Variants in TRMT9B observed in about 807,000 individuals in gnomAD.
The protein encoded by TRMT9B is tRNA methyltransferase 9B (putative).
Under a neutral mutation model 11.5 loss-of-function variants are expected in TRMT9B, and 16 were observed. That is an observed-to-expected ratio of 1.39 (90% CI 0.94 to 2.11). The LOEUF is 2.11. Ranked by LOEUF, TRMT9B falls within the 30% of genes most tolerant of loss-of-function variation. The probability of loss-of-function intolerance (pLI) is 0.00; values close to 1 mark genes in which losing one functional copy is unlikely to be tolerated. For missense variants in TRMT9B, 941 were observed against 553.8 expected (o/e 1.70, Z -7.02); for synonymous variants, 274 against 192.4 (o/e 1.42, Z -3.51).
intron 1 of TRMT9B, among the ~76,000 whole-genome samples, chr8:12,954,996 G>T (rs1178649169): frequency 6.6e-6 from 1 of 152,194 alleles, no homozygotes; most frequent in Admixed American, 6.5e-5. Flanking sequence ...TGAGTACACA[G>T]TTGGCACATT....
intron 1 of TRMT9B, among the ~76,000 whole-genome samples, chr8:12,974,045 C>G (rs911635715): frequency 6.6e-6 from 1 of 152,050 alleles, no homozygotes; most frequent in Non-Finnish European, 1.5e-5. Flanking sequence ...GTGGCAAGCA[C>G]TTGTAGTCCC....
At chr8:12,996,883 G>C (rs569813968) in intron 2 of TRMT9B, among the ~76,000 whole-genome samples, 38 of 152,046 alleles carry the variant, frequency 2.5e-4, no homozygotes, top group African/African-American at 9.2e-4. Context: ...ACCCCAGGCA[G>C]CCTCTATCCC....
At chr8:13,012,546 G>A in intron 3 of TRMT9B, 138 bp from the exon 4 acceptor site, 3 of 1,162,334 alleles carry the variant, frequency 2.6e-6, no homozygotes, top group Non-Finnish European at 3.5e-6. Context: ...CTGCACTCCA[G>A]CCTGGGTGAC....
At chr8:13,016,218 T>G (rs2128897980) in intron 4 of TRMT9B, among the ~76,000 whole-genome samples, 1 of 124,060 alleles carries the variant, frequency 8.1e-6, no homozygotes, top group Non-Finnish European at 1.7e-5. Flanking sequence ...ATATAAAATA[T>G]AAATGTGAAA....
chr8:12,995,467 T>C lies in TRMT9B; in HGVS notation c.-2+4436T>C, dbSNP rs568224166. ...GCTCTTAGCTCTTTGTCTGCTTTCC[T>C]TATTCTCCATTTCTGGCTTTCTTTG... On this transcript the variant is annotated intron_variant, in intron 2 of 4. Coordinates refer to ENST00000524591, the MANE Select transcript of TRMT9B (RefSeq NM_020844.3). Among the ~76,000 whole-genome samples, 3 of 152,324 alleles carry C rather than the reference T, an allele frequency of 2.0e-5. No individual in the cohort carries two copies. The East Asian group carries it at 5.8e-4, about 29-fold the overall frequency.
At position 13,010,895 on chromosome 8, in the gene TRMT9B, T is replaced by C. The variant is rs933868494; in HGVS notation, c.155-1789T>C. The C allele has an allele frequency of 3.4e-5, 33 of 958,900 alleles. No individual in the cohort carries two copies. The South Asian group carries it at 8.3e-4, about 24-fold the overall frequency. The allele number at this position is 958,900 out of a possible 1,614,324, so 59.4% of individuals were successfully genotyped here. On this transcript the variant is annotated intron_variant, in intron 3 of 4. Transcript: ENST00000524591. ...AGGGTACTTTTTCTCATAATCATTA[T>C]TGGGAACAGTGTGGCTACGAGATCA... is the stretch of plus-strand genomic sequence containing the variant.
chr8:13,012,610 C>A (rs1811846710), intron 3 of TRMT9B, 74 bp from the exon 4 acceptor site: 10 of 1,478,008 alleles, frequency 6.8e-6, no homozygotes, highest in Non-Finnish European at 9.1e-6. Context: ...AATTATATTT[C>A]TTGTTATGAG....
At chr8:13,008,956 C>T (rs1332702451) in intron 3 of TRMT9B, among the ~76,000 whole-genome samples, 1 of 151,830 alleles carries the variant, frequency 6.6e-6, no homozygotes, top group African/African-American at 2.4e-5. Flanking sequence ...TGTCGATCTC[C>T]TGACTTTGTG....
In TRMT9B at chr8:13,029,705, G is replaced by A. The variant is rs752656939; in HGVS notation, c.*7661G>A. On this transcript the variant is annotated 3_prime_UTR_variant, in exon 5 of 5. Coordinates refer to ENST00000524591, the MANE Select transcript of TRMT9B (RefSeq NM_020844.3). ...CTTTTAATAATAGATTATCTTTAAT[G>A]GTTATTAAAAGAATGTTATTGACCA... The A allele has an allele frequency of 6.5e-6, 1 of 153,488 alleles. No homozygotes were observed. Among genetic ancestry groups the A allele is most frequent in the African/African-American group, 2.4e-5 (1 of 41,440 alleles). The allele number at this position is 153,488 out of a possible 1,614,324, so 9.5% of individuals were successfully genotyped here.
In TRMT9B at chr8:12,953,018, G is replaced by T. The variant is rs1383021096; in HGVS notation, c.-200+7052G>T. Reference sequence around the variant, plus strand: ...CTCCCAAAGTGCTGGGATTACAGGCGTGAGCCACCGGGCCCGGCTGATTCT... The same window carrying T: ...CTCCCAAAGTGCTGGGATTACAGGCTTGAGCCACCGGGCCCGGCTGATTCT... On this transcript the variant is annotated intron_variant, in intron 1 of 4. Coordinates refer to ENST00000524591, the MANE Select transcript of TRMT9B (RefSeq NM_020844.3). 2.6e-5 allele frequency among the ~76,000 whole-genome samples: 4 copies of T among 152,136 alleles called. No homozygotes were observed. The East Asian group carries it at 7.7e-4, about 29-fold the overall frequency.
At chr8:13,018,420 GA>G (rs58331150) in intron 4 of TRMT9B, among the ~76,000 whole-genome samples, 25,528 of 146,076 alleles carry the variant, frequency 0.17, 2,410 homozygotes, top group African/African-American at 0.23. Context: ...CGACAACAAA[GA>G]AAAAAACCTA....
intron 1 of TRMT9B, among the ~76,000 whole-genome samples, chr8:12,978,368 T>C (rs1040281372): frequency 6.6e-6 from 1 of 152,194 alleles, no homozygotes; most frequent in Non-Finnish European, 1.5e-5. Flanking sequence ...ATTGTGCCCA[T>C]TGCAACCTGG....
At chr8:12,981,578 C>CCTTT (rs1342074175) in intron 1 of TRMT9B, among the ~76,000 whole-genome samples, 1 of 151,810 alleles carries the variant, frequency 6.6e-6, no homozygotes, top group African/African-American at 2.4e-5. Flanking sequence ...TTTTTGCTTT[C>CCTTT]CTTTCTTTCT....
intron 2 of TRMT9B, among the ~76,000 whole-genome samples, chr8:12,993,370 C>G (rs913983118): frequency 1.3e-5 from 2 of 152,208 alleles, no homozygotes; most frequent in Non-Finnish European, 2.9e-5. Flanking sequence ...TTGTAGCCAG[C>G]AAACCAGGAA....
chr8:12,982,410 C>T (rs747472823), intron 1 of TRMT9B, among the ~76,000 whole-genome samples: 4 of 152,096 alleles, frequency 2.6e-5, no homozygotes. Context: ...GCCTGTAATC[C>T]CAGCAGTTTG....
At position 13,019,861 on chromosome 8, in the gene TRMT9B, G is replaced by A. The variant is rs75278844; in HGVS notation, c.329-1147G>A. On this transcript the variant is annotated intron_variant, in intron 4 of 4. Transcript: ENST00000524591. Reference sequence around the variant, plus strand: ...CTAGCAGAATGAAATACACTGGTGTGTTGTTCTTCAAACCCATTTCACCCT... The same window carrying A: ...CTAGCAGAATGAAATACACTGGTGTATTGTTCTTCAAACCCATTTCACCCT... Among the ~76,000 whole-genome samples, 1,040 of 152,266 alleles carry A rather than the reference G, an allele frequency of 6.8e-3. 8 individuals are homozygous for A. Among genetic ancestry groups the A allele is most frequent in the African/African-American group, 0.024 (989 of 41,554 alleles).
intron 4 of TRMT9B, among the ~76,000 whole-genome samples, chr8:13,015,966 C>T (rs991137241): frequency 1.8e-4 from 27 of 151,486 alleles, no homozygotes; most frequent in Non-Finnish European, 1.6e-4. Context: ...TTATGGTAGC[C>T]AGGCATGGTG....
intron 2 of TRMT9B, among the ~76,000 whole-genome samples, chr8:12,993,071 G>C (rs952453119): frequency 6.6e-6 from 1 of 152,176 alleles, no homozygotes; most frequent in African/African-American, 2.4e-5. Context: ...TCCTGAGCAA[G>C]TCCCTCTCGG....
intron 1 of TRMT9B, among the ~76,000 whole-genome samples, chr8:12,957,686 T>G (rs1801493621): frequency 6.6e-6 from 1 of 152,208 alleles, no homozygotes; most frequent in Non-Finnish European, 1.5e-5. Flanking sequence ...TGACCAGGAC[T>G]TAATGGTCAC....
Sources: allele counts gnomAD v4.1 joint callset (sites outside exome capture counted in the v4.1 genomes callset), GRCh38; gene constraint gnomAD v4.1.1; transcripts MANE v1.5; gene names NCBI Gene and HGNC (gene_info 2026-07-23, HGNC 2026-07-21).